The following ACTR3 variants were observed in gnomAD, a reference collection of about 807,000 sequenced individuals.
The protein encoded by ACTR3 is actin-related protein 3.
Under a neutral mutation model 56.8 loss-of-function variants are expected in ACTR3, and 12 were observed. The ratio of observed to expected loss-of-function variants is 0.21; its 90% CI spans 0.14 to 0.34. The LOEUF (loss-of-function observed/expected upper bound fraction) is 0.34. Ranked by LOEUF, ACTR3 falls within the 10% of genes least tolerant of loss-of-function variation. The pLI, the probability that ACTR3 is intolerant of heterozygous loss-of-function variation, is 1.00. For missense variants in ACTR3, 282 were observed against 512.5 expected, an observed-to-expected ratio of 0.55 and a Z score of 4.34; for synonymous variants, 162 against 167.4, an observed-to-expected ratio of 0.97 and a Z score of 0.25.
chr2:113,946,425 C>G (rs1484874104), intron 8 of ACTR3, among the ~76,000 whole-genome samples: 1 of 151,872 alleles, frequency 6.6e-6, no homozygotes, highest in East Asian at 1.9e-4. Context: ...GAGATGGTAT[C>G]TCATTGTGGG....
rs1228015344 is a variant in ACTR3 at position 113,957,930 on chromosome 2, C to A, written c.*475C>A. ...AGTAAAGGATAAATTCAAAAAATAG[C>A]CTCATGAGACTTGGCATACACACTC... On this transcript the variant is annotated 3_prime_UTR_variant, in exon 12 of 12. Transcript: ENST00000263238. The A allele has an allele frequency of 6.5e-6, 1 of 153,510 alleles. No homozygotes were observed. Among genetic ancestry groups the A allele is most frequent in the Non-Finnish European group, 1.5e-5 (1 of 68,682 alleles). 9.5% of individuals were successfully genotyped at this position (153,510 alleles called of 1,614,324 possible).
At chr2:113,910,854 A>T (rs1341361527) in intron 1 of ACTR3, among the ~76,000 whole-genome samples, 1 of 152,210 alleles carries the variant, frequency 6.6e-6, no homozygotes, top group Non-Finnish European at 1.5e-5. Flanking sequence ...ATTGTTGGGT[A>T]TAGCAGCTTG....
intron 11 of ACTR3, among the ~76,000 whole-genome samples, chr2:113,956,211 T>TTA (rs1011796734): frequency 4.0e-5 from 6 of 151,576 alleles, no homozygotes; most frequent in African/African-American, 7.2e-5. Context: ...ATGTTTAAAT[T>TTA]TATATATATA....
intron 1 of ACTR3, among the ~76,000 whole-genome samples, chr2:113,902,771 T>C (rs1053149591): frequency 3.3e-5 from 5 of 152,150 alleles, no homozygotes; most frequent in African/African-American, 1.2e-4. Flanking sequence ...GGCTAGTTTT[T>C]GTATTTTTAG....
chr2:113,938,006 A>G (rs986779784), intron 6 of ACTR3, among the ~76,000 whole-genome samples: 1 of 152,082 alleles, frequency 6.6e-6, no homozygotes, highest in Non-Finnish European at 1.5e-5. Flanking sequence ...CTCAAAGATC[A>G]TGATGCTCTG....
intron 2 of ACTR3, among the ~76,000 whole-genome samples, chr2:113,915,528 C>G (rs1679389320): frequency 6.6e-6 from 1 of 152,188 alleles, no homozygotes; most frequent in South Asian, 2.1e-4. Flanking sequence ...ATACACAATT[C>G]AACCTGTAAC....
intron 1 of ACTR3, among the ~76,000 whole-genome samples, chr2:113,900,508 T>C (rs1299586233): frequency 6.6e-6 from 1 of 151,982 alleles, no homozygotes; most frequent in East Asian, 1.9e-4. Context: ...GAAAGCAAAA[T>C]TAAAGGAATG....
chr2:113,896,227 A>G (rs1162686108), intron 1 of ACTR3, among the ~76,000 whole-genome samples: 1 of 152,154 alleles, frequency 6.6e-6, no homozygotes, highest in Non-Finnish European at 1.5e-5. Context: ...GGCACACAGT[A>G]AGGGCACAAT....
chr2:113,895,963 G>C (rs1298737350), intron 1 of ACTR3, among the ~76,000 whole-genome samples: 4 of 151,960 alleles, frequency 2.6e-5, no homozygotes, highest in South Asian at 4.1e-4. Context: ...TGTTCAAGCT[G>C]TCTTCCTGCC....
At chr2:113,904,784 T>C (rs950288457) in intron 1 of ACTR3, 2 of 152,218 alleles carry the variant, frequency 1.3e-5, no homozygotes, top group African/African-American at 4.8e-5. Flanking sequence ...CACTTTTAAT[T>C]TGCATTTTAA....
At chr2:113,901,787 A>G (rs1441722789) in intron 1 of ACTR3, among the ~76,000 whole-genome samples, 1 of 152,212 alleles carries the variant, frequency 6.6e-6, no homozygotes, top group Non-Finnish European at 1.5e-5. Context: ...ATCATTCTTA[A>G]GGGCCCTATA....
chr2:113,927,558 ATGTCTAAATGACTTTG>A lies in ACTR3; in HGVS notation c.336+105_336+120del, dbSNP rs542430129. Reference sequence around the variant, plus strand: ...TATACTTTGGTTATTAAATTGTCATATGTCTAAATGACTTTGTAATAAAGCTGTATCATCTTTAAGA... The same window carrying A: ...TATACTTTGGTTATTAAATTGTCATATAATAAAGCTGTATCATCTTTAAGA... On this transcript the variant is annotated intron_variant, in intron 4 of 11. Coordinates refer to ENST00000263238, the MANE Select transcript of ACTR3 (RefSeq NM_005721.5). 6.6e-5 allele frequency: 46 copies of A among 695,694 alleles called. No individual in the cohort carries two copies. The East Asian group carries it at 1.0e-3, about 16-fold the overall frequency. The allele number at this position is 695,694 out of a possible 1,614,324, so 43.1% of individuals were successfully genotyped here. A position where few individuals can be genotyped will look rare whatever the true frequency, so the allele number is the denominator to read the frequency against.
chr2:113,922,753 A>T (rs901304062), intron 3 of ACTR3, among the ~76,000 whole-genome samples: 1 of 152,248 alleles, frequency 6.6e-6, no homozygotes, highest in African/African-American at 2.4e-5. Flanking sequence ...TGAAAAAAGA[A>T]CATGTGAAAT....
Position 113,942,309 on chromosome 2 carries a change from G to A in ACTR3, c.808G>A (p.Asp270Asn), listed in dbSNP as rs760969306. 2.5e-6 allele frequency: 4 copies of A among 1,599,560 alleles called. No homozygotes were observed. The highest frequency in any genetic ancestry group is 3.4e-6 in the Non-Finnish European group (4 of 1,174,704). The change falls in exon 8 of 12, where the codon GAT (aspartate) becomes AAT (asparagine). Residue 270 changes from aspartate to asparagine, a missense_variant. Asp to Asn is a conservative substitution (Grantham distance 23). Coordinates refer to ENST00000263238, the MANE Select transcript of ACTR3 (RefSeq NM_005721.5). Reference protein sequence around the residue: ...NAISKKEFSIDVGYERFLGPE... With the variant: ...NAISKKEFSINVGYERFLGPE... ...TATCTCAAAGAAAGAGTTTTCTATC[G>A]ATGTTGGTTATGAGAGATTTTTGGG...
intron 4 of ACTR3, among the ~76,000 whole-genome samples, chr2:113,930,456 C>T (rs1433082438): frequency 6.6e-6 from 1 of 151,986 alleles, no homozygotes; most frequent in Non-Finnish European, 1.5e-5. Flanking sequence ...GGAGTTATTC[C>T]TACCTTAAGG....
intron 3 of ACTR3, among the ~76,000 whole-genome samples, chr2:113,924,798 G>A (rs1679586064): frequency 6.6e-6 from 1 of 152,170 alleles, no homozygotes; most frequent in African/African-American, 2.4e-5. Context: ...AAGCCAGAAA[G>A]CAGAACTGAG....
At chr2:113,910,075 C>A (rs1204670608) in intron 1 of ACTR3, among the ~76,000 whole-genome samples, 3 of 152,130 alleles carry the variant, frequency 2.0e-5, no homozygotes, top group Non-Finnish European at 2.9e-5. Flanking sequence ...TGTTGGCTGG[C>A]AGCCCCTAGG....
intron 1 of ACTR3, among the ~76,000 whole-genome samples, chr2:113,907,656 T>C (rs1321395195): frequency 6.6e-6 from 1 of 152,112 alleles, no homozygotes; most frequent in African/African-American, 2.4e-5. Flanking sequence ...AAGCAAAAAT[T>C]TATTTTGGAA....
At chr2:113,934,638 G>C (rs930412700) in intron 6 of ACTR3, 1 of 254,786 alleles carries the variant, frequency 3.9e-6, no homozygotes, top group Non-Finnish European at 7.3e-6. Flanking sequence ...GTATATTAAT[G>C]GCTTTCATTC....
Sources: allele counts gnomAD v4.1 joint callset (sites outside exome capture counted in the v4.1 genomes callset), GRCh38; gene constraint gnomAD v4.1.1; transcripts MANE v1.5; gene names NCBI Gene and HGNC (gene_info 2026-07-23, HGNC 2026-07-21).